The following DLC1 variants were observed in gnomAD, a reference collection of about 807,000 sequenced individuals.
The protein encoded by DLC1 is rho GTPase-activating protein 7.
Under a neutral mutation model 140.3 loss-of-function variants are expected in DLC1, and 54 were observed. The observed-to-expected ratio is 0.38, with a 90% CI of 0.31 to 0.48. The LOEUF is 0.48. Among genes scored for constraint, DLC1 ranks in the 20% least tolerant of loss-of-function variants. DLC1 has a pLI of 0.96. For synonymous variants in DLC1, 986 were observed against 728.1 expected, an observed-to-expected ratio of 1.35 and a Z score of -5.70; for missense variants, 2,536 against 1,907.0, an observed-to-expected ratio of 1.33 and a Z score of -6.14.
Position 13,598,003 on chromosome 8 carries a change from G to T in DLC1, c.-126+6534C>A, listed in dbSNP as rs1433351483. 2.0e-5 allele frequency among the ~76,000 whole-genome samples: 3 copies of T among 152,100 alleles called. No individual in the cohort carries two copies. The South Asian group carries it at 6.2e-4, about 31-fold the overall frequency. On this transcript the variant is annotated intron_variant, in intron 1 of 1. Coordinates refer to the DLC1 transcript ENST00000631382. Reference sequence around the variant, plus strand: ...ACCGAAAATAAAATCGGTATCAAGAGTCTGATTACTAATTTTGCTCCGCCA... The same window carrying T: ...ACCGAAAATAAAATCGGTATCAAGATTCTGATTACTAATTTTGCTCCGCCA...
At chr8:13,200,658 GCAGTAGTA>G (rs1827330166) in intron 5 of DLC1, among the ~76,000 whole-genome samples, 1 of 152,056 alleles carries the variant, frequency 6.6e-6, no homozygotes, top group South Asian at 2.1e-4. Context: ...AGGCTGGCCT[GCAGTAGTA>G]CAGTCATAAG....
chr8:13,553,216 AT>A, intron 1 of DLC1, among the ~76,000 whole-genome samples: 1 of 67,756 alleles, frequency 1.5e-5, no homozygotes, highest in South Asian at 4.7e-4. Flanking sequence ...ATATATATAT[AT>A]ATATATATAT....
chr8:13,425,759 T>C (rs1563336226), intron 2 of DLC1, among the ~76,000 whole-genome samples: 1 of 152,180 alleles, frequency 6.6e-6, no homozygotes, highest in Non-Finnish European at 1.5e-5. Flanking sequence ...AAAAACTATT[T>C]TTCTGTTTTT....
At chr8:13,459,333 C>A (rs957494142) in intron 2 of DLC1, among the ~76,000 whole-genome samples, 1 of 152,050 alleles carries the variant, frequency 6.6e-6, no homozygotes, top group Non-Finnish European at 1.5e-5. Flanking sequence ...TGGATCTATC[C>A]CAATGTCAGA....
At chr8:13,539,092 C>T (rs139904273) in intron 1 of DLC1, among the ~76,000 whole-genome samples, 1 of 152,062 alleles carries the variant, frequency 6.6e-6, no homozygotes. Flanking sequence ...TTCACATTCT[C>T]CTATCACATT....
intron 4 of DLC1, among the ~76,000 whole-genome samples, chr8:13,354,537 T>C (rs997907133): frequency 6.6e-6 from 1 of 152,060 alleles, no homozygotes; most frequent in East Asian, 1.9e-4. Context: ...AAAAAATAAC[T>C]GAACTTGTTT....
At chr8:13,539,859 G>A (rs1007415314) in intron 1 of DLC1, among the ~76,000 whole-genome samples, 2 of 152,012 alleles carry the variant, frequency 1.3e-5, no homozygotes, top group Non-Finnish European at 2.9e-5. Context: ...GTGTAGGACA[G>A]AAGAAACACT....
At chr8:13,122,295 T>C (rs931316309) in intron 5 of DLC1, among the ~76,000 whole-genome samples, 1 of 152,184 alleles carries the variant, frequency 6.6e-6, no homozygotes, top group Non-Finnish European at 1.5e-5. Flanking sequence ...CCTCCAAATG[T>C]AAGCTTGCTC....
chr8:13,284,224 GA>G (rs1361923824), intron 5 of DLC1, among the ~76,000 whole-genome samples: 2 of 152,056 alleles, frequency 1.3e-5, no homozygotes, highest in East Asian at 1.9e-4. Flanking sequence ...GCAGAAGAAA[GA>G]AAAAAATAGT....
At chr8:13,333,958 C>G (rs1833707714) in intron 4 of DLC1, among the ~76,000 whole-genome samples, 1 of 152,118 alleles carries the variant, frequency 6.6e-6, no homozygotes, top group Non-Finnish European at 1.5e-5. Context: ...TTGAAAAGCC[C>G]CTTTGCTCAT....
At chr8:13,468,414 T>TTA (rs1021103724) in intron 2 of DLC1, among the ~76,000 whole-genome samples, 1 of 138,430 alleles carries the variant, frequency 7.2e-6, no homozygotes, top group Admixed American at 7.5e-5. Context: ...GAGTCTGGTA[T>TTA]TATGATCCCA....
chr8:13,403,814 T>TG, intron 2 of DLC1, among the ~76,000 whole-genome samples: 1 of 148,588 alleles, frequency 6.7e-6, no homozygotes, highest in Middle Eastern at 3.4e-3. Flanking sequence ...GCTGTTTTTT[T>TG]TTTTTTTTTT....
At chr8:13,265,628 T>G (rs1249816801) in intron 5 of DLC1, among the ~76,000 whole-genome samples, 1 of 152,078 alleles carries the variant, frequency 6.6e-6, no homozygotes, top group African/African-American at 2.4e-5. Context: ...ACCATCATCT[T>G]CCTGCAAATG....
intron 5 of DLC1, among the ~76,000 whole-genome samples, chr8:13,222,111 G>C (rs976848974): frequency 6.6e-6 from 1 of 151,376 alleles, no homozygotes; most frequent in Non-Finnish European, 1.5e-5. Context: ...ATGTGTATTT[G>C]GCAAACTTTG....
chr8:13,553,902 T>G (rs917731477), intron 1 of DLC1, among the ~76,000 whole-genome samples: 3 of 152,052 alleles, frequency 2.0e-5, no homozygotes, highest in African/African-American at 4.8e-5. Context: ...CTCAAAATAT[T>G]TTTCTTATGT....
chr8:13,552,424 T>A (rs914835492), intron 1 of DLC1, among the ~76,000 whole-genome samples: 2 of 150,698 alleles, frequency 1.3e-5, no homozygotes, highest in East Asian at 3.9e-4. Flanking sequence ...AATTTTCAGA[T>A]TCAATATTTT....
At chr8:13,577,269 A>G (rs1177867396) in intron 1 of DLC1, among the ~76,000 whole-genome samples, 1 of 152,126 alleles carries the variant, frequency 6.6e-6, no homozygotes, top group Admixed American at 6.5e-5. Context: ...GTAGGGAGGG[A>G]GGTCTATAGA....
chr8:13,453,491 CATATATATATGTATATATATATACAT>C (rs1563360533), intron 2 of DLC1, among the ~76,000 whole-genome samples: 3 of 17,962 alleles, frequency 1.7e-4, no homozygotes, highest in East Asian at 1.3e-3. Flanking sequence ...TATATATATA[CATATATATATGTATATATATATACAT>C]ATATATATAT....
intron 5 of DLC1, among the ~76,000 whole-genome samples, chr8:13,302,531 ACAGAG>A (rs1325415150): frequency 6.6e-6 from 1 of 152,198 alleles, no homozygotes; most frequent in African/African-American, 2.4e-5. Flanking sequence ...TACAGCACAC[ACAGAG>A]CAATCACACA....
Sources: allele counts gnomAD v4.1 joint callset (sites outside exome capture counted in the v4.1 genomes callset), GRCh38; gene constraint gnomAD v4.1.1; transcripts MANE v1.5; gene names NCBI Gene and HGNC (gene_info 2026-07-23, HGNC 2026-07-21).